PDGFD: variants seen among roughly 807,000 people sequenced by gnomAD.
The protein encoded by PDGFD is platelet-derived growth factor D.
Under a neutral mutation model 44.7 loss-of-function variants are expected in PDGFD, and 30 were observed. The observed-to-expected ratio is 0.67, with a 90% CI of 0.50 to 0.91. The LOEUF is 0.91. Ranked by LOEUF, PDGFD falls within the 40% of genes least tolerant of loss-of-function variation. The pLI, the probability that PDGFD is intolerant of heterozygous loss-of-function variation, is 0.00. For synonymous variants in PDGFD, 173 were observed against 168.4 expected (o/e 1.03, Z -0.21); for missense variants, 445 against 457.8 (o/e 0.97, Z 0.25).
At position 103,994,223 on chromosome 11, in the gene PDGFD, A is replaced by T. The variant is rs375727735; in HGVS notation, c.510+1842T>A. 4.4e-4 allele frequency among the ~76,000 whole-genome samples: 67 copies of T among 152,352 alleles called. No homozygotes were observed. In the East Asian group the frequency reaches 0.011, roughly 25 times the overall value. ...GAACATTCAGCTTACTCATAACAAAACATTAGCACTAATAGTGCTTGGTAT... is the reference window on the plus strand; with the variant it reads ...GAACATTCAGCTTACTCATAACAAATCATTAGCACTAATAGTGCTTGGTAT... On this transcript the variant is annotated intron_variant, in intron 3 of 6. Coordinates refer to ENST00000393158, the MANE Select transcript of PDGFD (RefSeq NM_025208.5).
intron 6 of PDGFD, among the ~76,000 whole-genome samples, chr11:103,914,479 T>C (rs1858082674): frequency 6.6e-6 from 1 of 152,048 alleles, no homozygotes; most frequent in Non-Finnish European, 1.5e-5. Context: ...CCAAAAAAAG[T>C]CCAGGACCAG....
Position 104,106,414 on chromosome 11 carries a change from T to C in PDGFD, c.124+57390A>G, listed in dbSNP as rs191323069. On this transcript the variant is annotated intron_variant, in intron 1 of 6. Transcript: ENST00000393158. ...ATTACTACCTGTGCATCAGCATAAC[T>C]TCCAGTGATAGCAAAAACTTCTGTT... Among the ~76,000 whole-genome samples the C allele has an allele frequency of 1.6e-3, 238 of 150,480 alleles. 1 individual carries two copies. Among genetic ancestry groups the C allele is most frequent in the African/African-American group, 5.7e-3 (229 of 40,344 alleles).
intron 1 of PDGFD, among the ~76,000 whole-genome samples, chr11:104,149,270 C>A (rs1169735187): frequency 2.0e-5 from 3 of 152,098 alleles, no homozygotes; most frequent in Non-Finnish European, 2.9e-5. Context: ...TATAGAGAAA[C>A]CAACTTTATT....
intron 1 of PDGFD, among the ~76,000 whole-genome samples, chr11:104,029,837 T>A (rs116283953): frequency 2.9e-3 from 438 of 152,302 alleles, no homozygotes; most frequent in African/African-American, 9.8e-3. Flanking sequence ...ATTTTGAGAA[T>A]TTTTATTGTA....
At chr11:104,160,001 C>T (rs1175352191) in intron 1 of PDGFD, among the ~76,000 whole-genome samples, 1 of 152,116 alleles carries the variant, frequency 6.6e-6, no homozygotes, top group African/African-American at 2.4e-5. Context: ...TAGAGCTGAA[C>T]AAAAAATACA....
intron 5 of PDGFD, among the ~76,000 whole-genome samples, chr11:103,935,268 G>A (rs1367617272): frequency 6.6e-6 from 1 of 152,148 alleles, no homozygotes; most frequent in East Asian, 1.9e-4. Context: ...AGGTGGCACA[G>A]GCACCAGGAG....
At chr11:104,107,510 C>G (rs1017455504) in intron 1 of PDGFD, among the ~76,000 whole-genome samples, 1 of 152,126 alleles carries the variant, frequency 6.6e-6, no homozygotes, top group African/African-American at 2.4e-5. Context: ...GTCACCAAAT[C>G]TGTGAGATAA....
intron 5 of PDGFD, among the ~76,000 whole-genome samples, chr11:103,929,681 G>T (rs530375770): frequency 2.0e-5 from 3 of 152,190 alleles, no homozygotes; most frequent in African/African-American, 7.2e-5. Flanking sequence ...TGAAATCACC[G>T]AGGCACTCAA....
intron 1 of PDGFD, chr11:104,037,756 G>T: frequency 6.2e-7 from 1 of 1,614,118 alleles, no homozygotes; most frequent in African/African-American, 1.3e-5. Context: ...AATTGAAGGT[G>T]ATTTCTTACA....
chr11:103,948,932 C>T (rs188788035), intron 3 of PDGFD, among the ~76,000 whole-genome samples: 18 of 140,908 alleles, frequency 1.3e-4, no homozygotes, highest in Non-Finnish European at 2.4e-4. Context: ...ACCATGTATC[C>T]CAGAACTTAA....
At chr11:103,986,569 G>A (rs1272244230) in intron 3 of PDGFD, among the ~76,000 whole-genome samples, 1 of 152,134 alleles carries the variant, frequency 6.6e-6, no homozygotes, top group Non-Finnish European at 1.5e-5. Context: ...AGAAAATTAT[G>A]ATGGTGAAAG....
chr11:104,087,021 C>CTT (rs528848924), intron 1 of PDGFD, among the ~76,000 whole-genome samples: 25,516 of 102,216 alleles, frequency 0.25, 5,539 homozygotes, highest in Non-Finnish European at 0.32. Flanking sequence ...GGCTCTTAGT[C>CTT]TTTTTTTTTT....
In PDGFD at chr11:104,037,070, G is replaced by A. The variant is rs776633894; in HGVS notation, c.125-36815C>T. ...CTGCAGAAGGACAATGTGGGACCTC[G>A]GGCTCCAGGGCGTGCCCCGAACCAG... On this transcript the variant is annotated intron_variant, in intron 1 of 6. Coordinates refer to ENST00000393158, the MANE Select transcript of PDGFD (RefSeq NM_025208.5). The A allele has an allele frequency of 1.1e-5, 18 of 1,614,076 alleles. No homozygotes were observed. The highest frequency in any genetic ancestry group is 7.7e-5 in the South Asian group (7 of 91,090).
chr11:104,102,597 T>G (rs1292263801), intron 1 of PDGFD, among the ~76,000 whole-genome samples: 2 of 152,208 alleles, frequency 1.3e-5, no homozygotes, highest in Admixed American at 6.6e-5. Context: ...CAAAGGATTA[T>G]AAATCATGCT....
At chr11:104,087,044 T>C (rs1207738279) in intron 1 of PDGFD, among the ~76,000 whole-genome samples, 1 of 108,452 alleles carries the variant, frequency 9.2e-6, no homozygotes, top group African/African-American at 4.4e-5. Context: ...TTTTTTTTTT[T>C]TTGACAGAGT....
chr11:104,148,693 G>A (rs773847123), intron 1 of PDGFD, among the ~76,000 whole-genome samples: 4 of 152,002 alleles, frequency 2.6e-5, no homozygotes, highest in South Asian at 4.1e-4. Context: ...CATTACCTAC[G>A]TATTAAGCCT....
At chr11:104,099,634 A>G (rs1861339558) in intron 1 of PDGFD, among the ~76,000 whole-genome samples, 1 of 92,868 alleles carries the variant, frequency 1.1e-5, no homozygotes, top group African/African-American at 4.1e-5. Flanking sequence ...CTGTTTCAAA[A>G]ACAATAATAA....
intron 1 of PDGFD, among the ~76,000 whole-genome samples, chr11:104,040,044 T>A (rs1348167781): frequency 6.6e-6 from 1 of 152,148 alleles, no homozygotes; most frequent in Admixed American, 6.5e-5. Context: ...TTTCTTATTT[T>A]GAGCTGAAAT....
chr11:103,969,736 T>C (rs898686162), intron 3 of PDGFD, among the ~76,000 whole-genome samples: 3 of 151,934 alleles, frequency 2.0e-5, no homozygotes, highest in African/African-American at 4.8e-5. Flanking sequence ...TCACTACCCA[T>C]ATTTGGCTTA....
Sources: allele counts gnomAD v4.1 joint callset (sites outside exome capture counted in the v4.1 genomes callset), GRCh38; gene constraint gnomAD v4.1.1; transcripts MANE v1.5; gene names NCBI Gene and HGNC (gene_info 2026-07-23, HGNC 2026-07-21).